SYT9: variants seen among roughly 807,000 people sequenced by gnomAD.
The protein encoded by SYT9 is synaptotagmin-9.
A neutral mutation model predicts 48.4 loss-of-function variants in SYT9; 22 were observed. That is an observed-to-expected ratio of 0.45 (90% CI 0.32 to 0.65). The LOEUF is 0.65. SYT9 is among the 30% of genes least tolerant of loss of function. SYT9 has a pLI of 0.03. For missense variants in SYT9, 577 were observed against 622.0 expected, an observed-to-expected ratio of 0.93 and a Z score of 0.77; for synonymous variants, 265 against 245.0, an observed-to-expected ratio of 1.08 and a Z score of -0.76.
chr11:7,350,756 A>G (rs753254303), intron 3 of SYT9, among the ~76,000 whole-genome samples: 1 of 152,212 alleles, frequency 6.6e-6, no homozygotes, highest in Non-Finnish European at 1.5e-5. Flanking sequence ...TCAACCTGAG[A>G]GCATGATTTT....
At chr11:7,379,520 T>C (rs1395743394) in intron 3 of SYT9, among the ~76,000 whole-genome samples, 2 of 152,138 alleles carry the variant, frequency 1.3e-5, no homozygotes, top group Non-Finnish European at 2.9e-5. Flanking sequence ...TAGAGAAGAA[T>C]ATTCTAAATC....
chr11:7,259,672 CTT>C (rs1396369189), intron 1 of SYT9, among the ~76,000 whole-genome samples: 3 of 152,028 alleles, frequency 2.0e-5, no homozygotes, highest in Non-Finnish European at 4.4e-5. Context: ...TATATTTACT[CTT>C]AAGTGAATTT....
chr11:7,411,864 G>C (rs1847141892), intron 3 of SYT9, among the ~76,000 whole-genome samples: 1 of 151,976 alleles, frequency 6.6e-6, no homozygotes, highest in Non-Finnish European at 1.5e-5. Context: ...TCACTATGTT[G>C]TCCCATAGGT....
chr11:7,253,790 T>C (rs1294905151), intron 1 of SYT9, among the ~76,000 whole-genome samples: 1 of 152,194 alleles, frequency 6.6e-6, no homozygotes, highest in African/African-American at 2.4e-5. Flanking sequence ...CAGTCCCTTA[T>C]CTCACAAGCT....
chr11:7,308,511 A>G (rs1011665384), intron 2 of SYT9, among the ~76,000 whole-genome samples: 1 of 152,204 alleles, frequency 6.6e-6, no homozygotes, highest in Non-Finnish European at 1.5e-5. Flanking sequence ...GGGGCAGAAG[A>G]GCTGAAAGTC....
intron 3 of SYT9, among the ~76,000 whole-genome samples, chr11:7,403,687 T>C (rs1178933006): frequency 2.0e-5 from 3 of 152,228 alleles, no homozygotes; most frequent in Non-Finnish European, 4.4e-5. Flanking sequence ...CTTTGTATGA[T>C]TGAAATTCTC....
chr11:7,409,300 G>C (rs1160579847), intron 3 of SYT9, among the ~76,000 whole-genome samples: 1 of 152,080 alleles, frequency 6.6e-6, no homozygotes, highest in East Asian at 1.9e-4. Context: ...GATTTGACTT[G>C]CTAGTAGTTT....
intron 1 of SYT9, among the ~76,000 whole-genome samples, chr11:7,261,943 G>A (rs1376293335): frequency 6.6e-6 from 1 of 152,284 alleles, no homozygotes; most frequent in East Asian, 1.9e-4. Flanking sequence ...AGTTTTAACA[G>A]AAGAGAGATA....
intron 3 of SYT9, among the ~76,000 whole-genome samples, chr11:7,319,235 C>T (rs7947167): frequency 0.019 from 2,553 of 135,954 alleles, 80 homozygotes; most frequent in African/African-American, 0.07. Context: ...CTTGCTTTGT[C>T]GCCCAGGGCT....
chr11:7,416,082 A>G lies in SYT9; in HGVS notation c.1085A>G (p.Tyr362Cys). 1.2e-6 allele frequency: 2 copies of G among 1,614,188 alleles called. No individual in the cohort carries two copies. The highest frequency in any genetic ancestry group is 1.7e-6 in the Non-Finnish European group (2 of 1,180,028). The change falls in exon 4 of 7, where the codon TAT becomes TGT. Residue 362 changes from tyrosine (Y) to cysteine (C), a missense_variant. By Grantham distance (194) the Tyr-to-Cys change is radical. Coordinates refer to ENST00000318881, the MANE Select transcript of SYT9 (RefSeq NM_175733.4). ...DLGELMFSLCYLPTAGRLTIT... is the reference protein window; with the variant it reads ...DLGELMFSLCCLPTAGRLTIT... ...GGAGAGCTGATGTTTTCCCTGTGCT[A>G]TCTTCCAACGGCTGGCAGGCTGACC...
chr11:7,263,413 C>CT (rs1848116566), intron 1 of SYT9, among the ~76,000 whole-genome samples: 1 of 152,182 alleles, frequency 6.6e-6, no homozygotes, highest in South Asian at 2.1e-4. Context: ...GGCCCCAACT[C>CT]TTAGCATTAT....
chr11:7,346,428 A>C (rs1849802731), intron 3 of SYT9, among the ~76,000 whole-genome samples: 1 of 151,780 alleles, frequency 6.6e-6, no homozygotes, highest in Non-Finnish European at 1.5e-5. Context: ...TTTTGATAAA[A>C]CTCTTCTTCC....
chr11:7,385,181 G>C (rs1223896675), intron 3 of SYT9, among the ~76,000 whole-genome samples: 3 of 151,798 alleles, frequency 2.0e-5, no homozygotes, highest in Non-Finnish European at 2.9e-5. Flanking sequence ...TCACACACAA[G>C]AAATATAAGC....
intron 6 of SYT9, chr11:7,435,763 T>C (rs1847694547): frequency 6.6e-6 from 1 of 152,150 alleles, no homozygotes; most frequent in African/African-American, 2.4e-5. Flanking sequence ...AGTGGATCAC[T>C]TGAGGTCAGG....
intron 3 of SYT9, among the ~76,000 whole-genome samples, chr11:7,400,123 T>C (rs1341942032): frequency 6.6e-6 from 1 of 152,178 alleles, no homozygotes; most frequent in Non-Finnish European, 1.5e-5. Context: ...TAAAAACACT[T>C]TCTTGCACAG....
intron 6 of SYT9, among the ~76,000 whole-genome samples, chr11:7,463,678 T>G (rs1171666849): frequency 6.6e-6 from 1 of 152,190 alleles, no homozygotes; most frequent in Non-Finnish European, 1.5e-5. Flanking sequence ...CCTGTCATCT[T>G]GTGGGCTTGG....
At chr11:7,262,345 C>T (rs1438794651) in intron 1 of SYT9, among the ~76,000 whole-genome samples, 5 of 151,996 alleles carry the variant, frequency 3.3e-5, no homozygotes, top group Admixed American at 6.6e-5. Context: ...ACAGACTAGC[C>T]GTCTGGATAT....
chr11:7,395,769 A>C (rs541774304), intron 3 of SYT9, among the ~76,000 whole-genome samples: 35 of 147,534 alleles, frequency 2.4e-4, no homozygotes, highest in Middle Eastern at 7.0e-3. Context: ...GACAGCAAAA[A>C]GTGGCTTTTG....
intron 3 of SYT9, among the ~76,000 whole-genome samples, chr11:7,350,418 A>G (rs1849890859): frequency 6.6e-6 from 1 of 152,190 alleles, no homozygotes; most frequent in Non-Finnish European, 1.5e-5. Context: ...AACTTCTCAT[A>G]AACACTGAAC....
Sources: gnomAD v4.1 joint callset for allele counts (sites outside exome capture counted in the v4.1 genomes callset) on GRCh38, gnomAD v4.1.1 for gene constraint, MANE v1.5 for transcripts, NCBI Gene and HGNC (gene_info 2026-07-23, HGNC 2026-07-21) for gene names.